Variants in ARFIP1 observed in about 807,000 individuals in gnomAD.
The protein encoded by ARFIP1 is ARF interacting protein 1.
In ARFIP1, 24 loss-of-function variants were observed where a neutral mutation model predicts 42.5. The observed-to-expected ratio is 0.57, with a 90% CI of 0.41 to 0.80. The LOEUF (loss-of-function observed/expected upper bound fraction) is 0.80. Ranked by LOEUF, ARFIP1 falls within the 30% of genes least tolerant of loss-of-function variation. The probability of loss-of-function intolerance (pLI) is 0.00; values close to 1 mark genes in which losing one functional copy is unlikely to be tolerated. For synonymous variants in ARFIP1, 141 were observed against 153.7 expected (o/e 0.92, Z 0.61); for missense variants, 354 against 434.0 (o/e 0.82, Z 1.64).
intron 1 of ARFIP1, among the ~76,000 whole-genome samples, chr4:152,802,245 A>C (rs1230826054): frequency 6.6e-6 from 1 of 152,180 alleles, no homozygotes; most frequent in Non-Finnish European, 1.5e-5. Context: ...TGAGATGCAT[A>C]ATTAGTCCAC....
In ARFIP1 at chr4:152,866,244, A is replaced by G. The variant is rs570158044; in HGVS notation, c.202+2530A>G. Among the ~76,000 whole-genome samples, 21 of 152,378 alleles carry G rather than the reference A, an allele frequency of 1.4e-4. No homozygotes were observed. The South Asian group carries it at 4.1e-3, about 30-fold the overall frequency. The stretch of plus-strand genomic sequence containing the variant: ...AAGAATTTTTCTTAGTACAGAAAAA[A>G]TGAAATGTCTCCCATGTCTACTTCT... On this transcript the variant is annotated intron_variant, in intron 3 of 8. Transcript: ENST00000353617.
In ARFIP1 at chr4:152,833,763, C is replaced by T. The variant is rs1463646613; in HGVS notation, c.93+4037C>T. On this transcript the variant is annotated intron_variant, in intron 2 of 8. Coordinates refer to ENST00000353617, the MANE Select transcript of ARFIP1 (RefSeq NM_001025595.3). ...AACCTGGAAGATATTAGGCTAAGTACAATAAGCCAGACACAGGAAGACAAA... is the reference window on the plus strand; with the variant it reads ...AACCTGGAAGATATTAGGCTAAGTATAATAAGCCAGACACAGGAAGACAAA... Among the ~76,000 whole-genome samples the T allele has an allele frequency of 2.0e-5, 3 of 152,122 alleles. No homozygotes were observed. The East Asian group carries it at 5.8e-4, about 29-fold the overall frequency.
At chr4:152,826,750 G>A (rs1235768715) in intron 1 of ARFIP1, among the ~76,000 whole-genome samples, 1 of 152,142 alleles carries the variant, frequency 6.6e-6, no homozygotes, top group Non-Finnish European at 1.5e-5. Context: ...TAGCAGCACT[G>A]TTCACAATAG....
intron 3 of ARFIP1, among the ~76,000 whole-genome samples, chr4:152,866,556 C>T (rs1578965374): frequency 9.5e-6 from 1 of 105,246 alleles, no homozygotes; most frequent in Admixed American, 9.6e-5. Flanking sequence ...TGACCCCCAC[C>T]TCCCTCCTGG....
At chr4:152,795,820 A>ATTCTTTTTTTTTTTTTTT (rs1731416747) in intron 1 of ARFIP1, among the ~76,000 whole-genome samples, 1 of 28,066 alleles carries the variant, frequency 3.6e-5, no homozygotes, top group Admixed American at 6.2e-4. Context: ...GGCCCTTGTA[A>ATTCTTTTTTTTTTTTTTT]TTTTTTTTTT....
chr4:152,781,445 C>G (rs1414227574), intron 1 of ARFIP1, among the ~76,000 whole-genome samples: 4 of 152,066 alleles, frequency 2.6e-5, no homozygotes, highest in Non-Finnish European at 5.9e-5. Context: ...CCGTGTTGGC[C>G]AGGCTGGTCT....
chr4:152,883,745 A>G (rs1333655961), intron 7 of ARFIP1, among the ~76,000 whole-genome samples: 4 of 151,654 alleles, frequency 2.6e-5, no homozygotes, highest in African/African-American at 9.6e-5. Context: ...CAGACCTATA[A>G]TAGCCTTTTT....
intron 1 of ARFIP1, among the ~76,000 whole-genome samples, chr4:152,783,627 T>A (rs189439030): frequency 6.6e-6 from 1 of 152,328 alleles, no homozygotes; most frequent in East Asian, 1.9e-4. Flanking sequence ...GTAGACAACT[T>A]CTACCATGCG....
intron 4 of ARFIP1, among the ~76,000 whole-genome samples, chr4:152,871,563 G>A (rs1734884243): frequency 6.6e-6 from 1 of 152,062 alleles, no homozygotes; most frequent in African/African-American, 2.4e-5. Flanking sequence ...GGAAAGATTG[G>A]TCTGATTATA....
chr4:152,803,199 G>A (rs1289858976), intron 1 of ARFIP1, among the ~76,000 whole-genome samples: 1 of 152,144 alleles, frequency 6.6e-6, no homozygotes, highest in Non-Finnish European at 1.5e-5. Flanking sequence ...TATCACGATT[G>A]TAGTACTGAG....
intron 1 of ARFIP1, among the ~76,000 whole-genome samples, chr4:152,809,060 A>G (rs1233932699): frequency 6.6e-6 from 1 of 152,228 alleles, no homozygotes; most frequent in Non-Finnish European, 1.5e-5. Flanking sequence ...CAAAAAAAAA[A>G]TAAGTGGCAA....
chr4:152,808,451 A>C, intron 1 of ARFIP1, among the ~76,000 whole-genome samples: 1 of 150,888 alleles, frequency 6.6e-6, no homozygotes, highest in Non-Finnish European at 1.5e-5. Flanking sequence ...ATATTCTTGT[A>C]CTTGCCTTTT....
chr4:152,804,885 G>T (rs1728881356), intron 1 of ARFIP1, among the ~76,000 whole-genome samples: 1 of 152,068 alleles, frequency 6.6e-6, no homozygotes, highest in South Asian at 2.1e-4. Context: ...TTTGCAAGTG[G>T]ATACATTATT....
intron 2 of ARFIP1, among the ~76,000 whole-genome samples, chr4:152,848,192 A>T (rs1732715281): frequency 6.6e-6 from 1 of 152,198 alleles, no homozygotes; most frequent in East Asian, 1.9e-4. Flanking sequence ...AAATAGCTGT[A>T]CCAAAAGCTT....
intron 1 of ARFIP1, among the ~76,000 whole-genome samples, chr4:152,789,725 T>A (rs1215229869): frequency 6.6e-6 from 1 of 152,252 alleles, no homozygotes; most frequent in Non-Finnish European, 1.5e-5. Flanking sequence ...AGTACTTTAT[T>A]ACTTTGTTGC....
intron 8 of ARFIP1, among the ~76,000 whole-genome samples, chr4:152,907,544 G>T (rs1738470748): frequency 6.6e-6 from 1 of 151,954 alleles, no homozygotes; most frequent in Non-Finnish European, 1.5e-5. Context: ...TTTGTTTATT[G>T]TTCCTATTGG....
intron 8 of ARFIP1, among the ~76,000 whole-genome samples, chr4:152,895,580 A>T (rs1239587090): frequency 1.4e-3 from 110 of 78,902 alleles, no homozygotes; most frequent in African/African-American, 4.6e-3. Context: ...TTTTTTTTTG[A>T]GATAGGGTGT....
intron 5 of ARFIP1, among the ~76,000 whole-genome samples, chr4:152,877,626 A>T (rs540218023): frequency 6.6e-6 from 1 of 152,006 alleles, no homozygotes; most frequent in East Asian, 1.9e-4. Flanking sequence ...TGGACATGAG[A>T]TTTGAAGGGG....
intron 1 of ARFIP1, among the ~76,000 whole-genome samples, chr4:152,798,176 T>C (rs1250705155): frequency 3.3e-5 from 5 of 152,124 alleles, no homozygotes; most frequent in Non-Finnish European, 7.4e-5. Flanking sequence ...GGCAGGAGAA[T>C]CGCTTGAACC....
Sources: allele counts gnomAD v4.1 joint callset (sites outside exome capture counted in the v4.1 genomes callset), GRCh38; gene constraint gnomAD v4.1.1; transcripts MANE v1.5; gene names NCBI Gene and HGNC (gene_info 2026-07-23, HGNC 2026-07-21).